PPM1H: variants seen among roughly 807,000 people sequenced by gnomAD.
PPM1H encodes the protein protein phosphatase, Mg2+/Mn2+ dependent 1H.
Under a neutral mutation model 54.9 loss-of-function variants are expected in PPM1H, and 27 were observed. The ratio of observed to expected loss-of-function variants is 0.49; its 90% CI spans 0.36 to 0.68. The LOEUF (loss-of-function observed/expected upper bound fraction) is 0.68, where lower values mean the gene tolerates loss of function less well. Ranked by LOEUF, PPM1H falls within the 30% of genes least tolerant of loss-of-function variation. The pLI is 0.00. For missense variants in PPM1H, 596 were observed against 667.8 expected (o/e 0.89, Z 1.19); for synonymous variants, 305 against 270.8 (o/e 1.13, Z -1.24).
intron 1 of PPM1H, among the ~76,000 whole-genome samples, chr12:62,926,879 G>A (rs957794558): frequency 8.5e-5 from 13 of 152,152 alleles, no homozygotes; most frequent in African/African-American, 1.4e-4. Context: ...GCTTGCACCC[G>A]GGAGGCGGAG....
intron 7 of PPM1H, 143 bp downstream of exon 7, chr12:62,693,793 T>G: frequency 1.4e-6 from 1 of 737,354 alleles, no homozygotes; most frequent in Non-Finnish European, 2.2e-6. Context: ...GCCTGAAGGA[T>G]GATGGATGGG....
chr12:62,694,832 C>T (rs1282345198), intron 6 of PPM1H, among the ~76,000 whole-genome samples: 1 of 152,190 alleles, frequency 6.6e-6, no homozygotes, highest in Non-Finnish European at 1.5e-5. Context: ...AGAGCCTGCA[C>T]TTAGTAAGAG....
At chr12:62,860,148 T>A (rs1453807451) in intron 1 of PPM1H, among the ~76,000 whole-genome samples, 1 of 152,110 alleles carries the variant, frequency 6.6e-6, no homozygotes, top group Non-Finnish European at 1.5e-5. Context: ...AGCAAATACA[T>A]CCTTCTTCAC....
Position 62,755,338 on chromosome 12 carries a change from G to C in PPM1H, c.870-17752C>G, listed in dbSNP as rs1251518921. The C allele has an allele frequency of 5.2e-6, 6 of 1,143,898 alleles. No homozygotes were observed. In the African/African-American group the frequency reaches 9.1e-5, roughly 17 times the overall value. The allele number at this position is 1,143,898 out of a possible 1,614,324, so 70.9% of individuals were successfully genotyped here. A position where few individuals can be genotyped will look rare whatever the true frequency, so the allele number is the denominator to read the frequency against. ...TGTTGCCATCAATGACCCCTTCATTGACCTCAACTACATGGTCTGTGTGTT... is the reference window on the plus strand; with the variant it reads ...TGTTGCCATCAATGACCCCTTCATTCACCTCAACTACATGGTCTGTGTGTT... On this transcript the variant is annotated intron_variant, in intron 4 of 9. Transcript: ENST00000228705.
chr12:62,894,722 T>C (rs571047515), intron 1 of PPM1H, among the ~76,000 whole-genome samples: 16 of 152,244 alleles, frequency 1.1e-4, no homozygotes, highest in Admixed American at 5.2e-4. Flanking sequence ...CCTATCCTAT[T>C]TGAAAGGCTT....
intron 2 of PPM1H, among the ~76,000 whole-genome samples, chr12:62,830,071 C>T (rs4763032): frequency 1.3e-5 from 2 of 152,094 alleles, no homozygotes; most frequent in Non-Finnish European, 2.9e-5. Context: ...AACATGCAAA[C>T]TTCACTCATA....
At chr12:62,847,969 TAG>T (rs1208805888) in intron 1 of PPM1H, among the ~76,000 whole-genome samples, 63 of 152,290 alleles carry the variant, frequency 4.1e-4, no homozygotes, top group African/African-American at 1.3e-3. Flanking sequence ...GAGATTAAAA[TAG>T]ATCTCATTGT....
At chr12:62,849,134 G>T (rs1565808796) in intron 1 of PPM1H, among the ~76,000 whole-genome samples, 1 of 152,190 alleles carries the variant, frequency 6.6e-6, no homozygotes, top group Non-Finnish European at 1.5e-5. Context: ...CAAGGCGGAA[G>T]TGGCTGCCAT....
chr12:62,866,528 A>T (rs1270076509), intron 1 of PPM1H, among the ~76,000 whole-genome samples: 1 of 152,136 alleles, frequency 6.6e-6, no homozygotes, highest in East Asian at 1.9e-4. Context: ...GAAGTCAGCT[A>T]CTATGTCATG....
intron 2 of PPM1H, among the ~76,000 whole-genome samples, chr12:62,829,025 C>G (rs1035818584): frequency 1.3e-5 from 2 of 152,098 alleles, no homozygotes; most frequent in African/African-American, 4.8e-5. Context: ...GGAGCAGCCA[C>G]TGTGAAAAAC....
chr12:62,817,319 G>A (rs2641549), intron 2 of PPM1H, among the ~76,000 whole-genome samples: 4,896 of 151,246 alleles, frequency 0.032, 221 homozygotes, highest in African/African-American at 0.1. Context: ...AAAATTAGCC[G>A]GGCGTGGTGG....
At chr12:62,831,872 C>T (rs1024661821) in intron 2 of PPM1H, among the ~76,000 whole-genome samples, 4 of 151,570 alleles carry the variant, frequency 2.6e-5, no homozygotes, top group Non-Finnish European at 5.9e-5. Context: ...GAGCTAGATA[C>T]ATATGGTGTG....
At chr12:62,860,132 A>G (rs1273430594) in intron 1 of PPM1H, among the ~76,000 whole-genome samples, 1 of 152,186 alleles carries the variant, frequency 6.6e-6, no homozygotes, top group African/African-American at 2.4e-5. Flanking sequence ...TCGAGTCAGA[A>G]GGAGAAGCAA....
At chr12:62,737,761 T>C (rs1165231844) in intron 4 of PPM1H, among the ~76,000 whole-genome samples, 175 bp from the exon 5 acceptor site, 1 of 152,180 alleles carries the variant, frequency 6.6e-6, no homozygotes, top group Non-Finnish European at 1.5e-5. Context: ...GAGAGGCATC[T>C]CTCTTTTAAG....
At chr12:62,897,645 G>T (rs1161250047) in intron 1 of PPM1H, among the ~76,000 whole-genome samples, 1 of 152,056 alleles carries the variant, frequency 6.6e-6, no homozygotes, top group Non-Finnish European at 1.5e-5. Flanking sequence ...GAATGGTGTG[G>T]GATCCCAATG....
chr12:62,928,964 G>T (rs1248640664), intron 1 of PPM1H, among the ~76,000 whole-genome samples: 1 of 152,162 alleles, frequency 6.6e-6, no homozygotes, highest in African/African-American at 2.4e-5. Flanking sequence ...TTCTCTAACA[G>T]CAGGGAAGGT....
At chr12:62,817,136 A>T (rs2076872167) in intron 2 of PPM1H, among the ~76,000 whole-genome samples, 1 of 102,978 alleles carries the variant, frequency 9.7e-6, no homozygotes. Flanking sequence ...AAAAAAAAAA[A>T]GAAAAAAAAA....
intron 1 of PPM1H, among the ~76,000 whole-genome samples, chr12:62,845,794 C>G (rs1015182747): frequency 1.3e-5 from 2 of 152,212 alleles, no homozygotes; most frequent in African/African-American, 4.8e-5. Flanking sequence ...TGTAGAATAT[C>G]TGCCTTTGCA....
In PPM1H at chr12:62,814,231, C is replaced by G. The variant is rs115608771; in HGVS notation, c.412-12071G>C. Among the ~76,000 whole-genome samples, 1,274 of 152,226 alleles carry G rather than the reference C, an allele frequency of 8.4e-3. 21 individuals carry two copies. Among genetic ancestry groups the G allele is most frequent in the African/African-American group, 0.029 (1,204 of 41,542 alleles). On this transcript the variant is annotated intron_variant, in intron 2 of 9. Transcript: ENST00000228705. Reference sequence around the variant, plus strand: ...AGTAGATGGGACCATGAGTGCACCACCACACCAGGCTTTATTTTTTATTTT... The same window carrying G: ...AGTAGATGGGACCATGAGTGCACCAGCACACCAGGCTTTATTTTTTATTTT...
Sources: gnomAD v4.1 joint callset for allele counts (sites outside exome capture counted in the v4.1 genomes callset) on GRCh38, gnomAD v4.1.1 for gene constraint, MANE v1.5 for transcripts, NCBI Gene and HGNC (gene_info 2026-07-23, HGNC 2026-07-21) for gene names.